The following PHF20L1 variants were observed in gnomAD, a reference collection of about 807,000 sequenced individuals.
PHF20L1 encodes PHD finger protein 20 like 1.
Under a neutral mutation model 125.5 loss-of-function variants are expected in PHF20L1, and 44 were observed. The observed-to-expected ratio is 0.35, with a 90% CI of 0.28 to 0.45. The LOEUF (loss-of-function observed/expected upper bound fraction) is 0.45, where lower values mean the gene tolerates loss of function less well. PHF20L1 is among the 20% of genes least tolerant of loss of function. PHF20L1 has a pLI of 1.00. For synonymous variants in PHF20L1, 380 were observed against 403.1 expected (o/e 0.94, Z 0.69); for missense variants, 1,012 against 1,217.2 (o/e 0.83, Z 2.51).
intron 15 of PHF20L1, among the ~76,000 whole-genome samples, chr8:132,833,445 T>G (rs193066250): frequency 5.8e-4 from 89 of 152,220 alleles, no homozygotes; most frequent in Middle Eastern, 3.4e-3. Context: ...AAGTCTACTT[T>G]TTCCCATGGT....
In PHF20L1 at chr8:132,775,422, G is replaced by C. The variant is rs890417149; in HGVS notation, c.-261G>C. ...CGGCGGCGGAGGCGGCGGCGGCGGC[G>C]GCGATGGCAGCGGACCCTGAGCGAG... is the stretch of plus-strand genomic sequence containing the variant. On this transcript the variant is annotated 5_prime_UTR_variant, in exon 1 of 21. Transcript: ENST00000395386. 2.6e-6 allele frequency: 1 copy of C among 385,396 alleles called. No homozygotes were observed. Among genetic ancestry groups the C allele is most frequent in the South Asian group, 1.3e-4 (1 of 7,886 alleles). 23.9% of individuals were successfully genotyped at this position (385,396 alleles called of 1,614,324 possible).
chr8:132,816,985 T>C lies in PHF20L1; in HGVS notation c.1281T>C (p.Ser427=), dbSNP rs1835057581. ...CCACCTTACCCATGCCTGATGATTC[T>C]GTAGAAAAGGTTTCTTCTCCCTCTC... ...RLATLPMPDD[S]VEKVSSPSPA... is the part of the protein sequence containing the mutation. The change falls in exon 11 of 21, where the codon TCT becomes TCC. Residue 427 remains serine, a synonymous_variant. Coordinates refer to ENST00000395386, the MANE Select transcript of PHF20L1 (RefSeq NM_016018.5). 6.2e-7 allele frequency: 1 copy of C among 1,610,848 alleles called. No homozygotes were observed. The highest frequency in any genetic ancestry group is 1.7e-5 in the Admixed American group (1 of 59,566).
chr8:132,800,418 C>A (rs2131526596), intron 6 of PHF20L1, among the ~76,000 whole-genome samples: 1 of 151,768 alleles, frequency 6.6e-6, no homozygotes. Flanking sequence ...AAATGACTCT[C>A]ATTTTATGAG....
In PHF20L1 at chr8:132,817,573, T is replaced by C. The variant is rs751295561; in HGVS notation, c.1579+28T>C. On this transcript the variant is annotated intron_variant, in intron 12 of 20. Transcript: ENST00000395386. ...AAAAGAAAAAAAATAAAGGCTCCTA[T>C]AAGTAGATAAGTAGCTAGGCTTGCA... 8 of 1,470,100 alleles carry C rather than the reference T, an allele frequency of 5.4e-6. No homozygotes were observed. The South Asian group carries it at 9.6e-5, about 18-fold the overall frequency. The allele number at this position is 1,470,100 out of a possible 1,614,324, so 91.1% of individuals were successfully genotyped here.
intron 14 of PHF20L1, among the ~76,000 whole-genome samples, chr8:132,829,978 A>G (rs1455632004): frequency 6.6e-6 from 1 of 152,064 alleles, no homozygotes. Flanking sequence ...TAAGTTTCCC[A>G]TTGCTGCTGT....
chr8:132,843,605 TTGTGTGTGTGTGTGTGTG>T, intron 19 of PHF20L1: 1 of 948,190 alleles, frequency 1.1e-6, no homozygotes, highest in Non-Finnish European at 1.2e-6. Flanking sequence ...CAAACGCACA[TTGTGTGTGTGTGTGTGTG>T]TGTGTGTGTG....
At position 132,844,487 on chromosome 8, in the gene PHF20L1, G is replaced by A. The variant is rs575454798; in HGVS notation, c.2911+169G>A. On this transcript the variant is annotated intron_variant, in intron 20 of 20. Transcript: ENST00000395386. ...ATTTAACACATTTGGGATCTTTTAC[G>A]CTTAAAACAATGTGACCGGGTATGA... Among the ~76,000 whole-genome samples the A allele has an allele frequency of 1.5e-4, 23 of 152,002 alleles. No homozygotes were observed. The South Asian group carries it at 4.6e-3, about 30-fold the overall frequency.
At chr8:132,816,541 G>T in intron 10 of PHF20L1, 1 of 195,186 alleles carries the variant, frequency 5.1e-6, no homozygotes, top group Admixed American at 5.4e-5. Context: ...ATCTTTTGCT[G>T]TAAAGAGACT....
chr8:132,836,818 G>A, intron 16 of PHF20L1, 97 bp downstream of exon 16: 1 of 835,468 alleles, frequency 1.2e-6, no homozygotes, highest in East Asian at 2.5e-5. Flanking sequence ...CTGTACTACT[G>A]AAGATAGTGG....
intron 17 of PHF20L1, 89 bp downstream of exon 17, chr8:132,837,900 A>G: frequency 1.2e-6 from 1 of 850,476 alleles, no homozygotes; most frequent in Non-Finnish European, 2.0e-6. Context: ...CACCACCACT[A>G]CAGCAAGTTC....
At chr8:132,781,594 A>C (rs1830437563) in intron 2 of PHF20L1, among the ~76,000 whole-genome samples, 1 of 151,828 alleles carries the variant, frequency 6.6e-6, no homozygotes, top group Admixed American at 6.6e-5. Context: ...ATGCCCAGCT[A>C]ATTTTTTTTT....
At chr8:132,831,385 C>A (rs1413029055) in intron 14 of PHF20L1, among the ~76,000 whole-genome samples, 1 of 151,924 alleles carries the variant, frequency 6.6e-6, no homozygotes. Context: ...CCTTCCCTTA[C>A]TATACCCTCA....
At chr8:132,785,254 C>T (rs1216372138) in intron 2 of PHF20L1, among the ~76,000 whole-genome samples, 3 of 152,166 alleles carry the variant, frequency 2.0e-5, no homozygotes, top group Non-Finnish European at 4.4e-5. Flanking sequence ...TGTCACATCA[C>T]ATTAGATAAT....
At chr8:132,782,807 G>C (rs970553053) in intron 2 of PHF20L1, among the ~76,000 whole-genome samples, 9 of 149,158 alleles carry the variant, frequency 6.0e-5, no homozygotes, top group African/African-American at 2.2e-4. Flanking sequence ...CGATCTCTCT[G>C]TGTTGCCCAG....
intron 14 of PHF20L1, among the ~76,000 whole-genome samples, chr8:132,831,408 G>GGT (rs1009163100): frequency 6.9e-6 from 1 of 145,590 alleles, no homozygotes; most frequent in Non-Finnish European, 1.6e-5. Context: ...TCTCCAGTAA[G>GGT]CTGCATATGG....
At chr8:132,813,071 C>A (rs1834569220) in intron 9 of PHF20L1, 2 of 953,996 alleles carry the variant, frequency 2.1e-6, no homozygotes, top group Non-Finnish European at 2.5e-6. Context: ...AAGTTAAGCA[C>A]CTTATCAAGA....
chr8:132,775,984 C>G (rs1001252702), intron 1 of PHF20L1, among the ~76,000 whole-genome samples: 2 of 152,262 alleles, frequency 1.3e-5, no homozygotes, highest in South Asian at 4.1e-4. Flanking sequence ...TTTACATTGT[C>G]GGTCTCTATG....
chr8:132,846,040 T>G lies in PHF20L1; in HGVS notation c.*117T>G. 2.7e-6 allele frequency: 2 copies of G among 746,000 alleles called. No individual in the cohort carries two copies. The highest frequency in any genetic ancestry group is 4.3e-6 in the Non-Finnish European group (2 of 466,262). 46.2% of individuals were successfully genotyped at this position (746,000 alleles called of 1,614,324 possible). A position where few individuals can be genotyped will look rare whatever the true frequency, so the allele number is the denominator to read the frequency against. ...TAGTAATGTCTGGTCATTCACTGAT[T>G]TGTGATGTCAATAGGATGGCACCTT... On this transcript the variant is annotated 3_prime_UTR_variant, in exon 21 of 21. Transcript: ENST00000395386.
chr8:132,784,473 T>G (rs1196487121), intron 2 of PHF20L1, among the ~76,000 whole-genome samples: 1 of 152,178 alleles, frequency 6.6e-6, no homozygotes, highest in East Asian at 1.9e-4. Flanking sequence ...AATTTCATTT[T>G]ATCAATTTTC....
Sources: allele counts gnomAD v4.1 joint callset (sites outside exome capture counted in the v4.1 genomes callset), GRCh38; gene constraint gnomAD v4.1.1; transcripts MANE v1.5; gene names NCBI Gene and HGNC (gene_info 2026-07-23, HGNC 2026-07-21).